Variants in FTCDNL1 observed in about 807,000 individuals in gnomAD.
FTCDNL1 encodes the protein formiminotransferase N-terminal subdomain-containing protein.
In FTCDNL1, 11 loss-of-function variants were observed where a neutral mutation model predicts 5.9. The observed-to-expected ratio is 1.87, with a 90% CI of 1.18 to 3.10. The LOEUF (loss-of-function observed/expected upper bound fraction) is 3.10, where lower values mean the gene tolerates loss of function less well. FTCDNL1 is among the 30% of genes most tolerant of loss of function. The pLI is 0.00. For missense variants in FTCDNL1, 115 were observed against 65.5 expected (o/e 1.76, Z -2.61); for synonymous variants, 58 against 24.8 (o/e 2.34, Z -3.99).
chr2:199,751,270 T>C, the FTCDNL1 span, among the ~76,000 whole-genome samples: 1 of 152,226 alleles, frequency 6.6e-6, no homozygotes, highest in African/African-American at 2.4e-5. Flanking sequence ...TGAGAGACCT[T>C]GTATGGATAT....
chr2:199,817,691 C>T (rs948302421), intron 4 of FTCDNL1, among the ~76,000 whole-genome samples: 9 of 150,020 alleles, frequency 6.0e-5, no homozygotes, highest in African/African-American at 2.2e-4. Context: ...TGCAGTGAGC[C>T]GAGATCGCAC....
intron 2 of FTCDNL1, 130 bp downstream of exon 2, chr2:199,848,718 C>G: frequency 1.7e-6 from 1 of 572,098 alleles, no homozygotes; most frequent in Non-Finnish European, 3.1e-6. Flanking sequence ...GCTGCAACAG[C>G]TCAAGAGCAA....
chr2:199,747,015 G>A, the FTCDNL1 span, among the ~76,000 whole-genome samples: 15 of 134,638 alleles, frequency 1.1e-4, no homozygotes, highest in Non-Finnish European at 1.9e-4. Context: ...CAGAGAAGAG[G>A]GTTTATTTAA....
At chr2:199,720,769 C>T in the FTCDNL1 span, among the ~76,000 whole-genome samples, 1 of 152,216 alleles carries the variant, frequency 6.6e-6, no homozygotes, top group East Asian at 1.9e-4. Context: ...AGGTCACATT[C>T]ACAGGTTCCA....
chr2:199,724,084 G>A, the FTCDNL1 span, among the ~76,000 whole-genome samples: 1 of 152,100 alleles, frequency 6.6e-6, no homozygotes, highest in Non-Finnish European at 1.5e-5. Flanking sequence ...TCTATTCAGG[G>A]ATTCAACTTC....
Position 199,851,092 on chromosome 2 carries a change from T to G in FTCDNL1, c.-360A>C, listed in dbSNP as rs908288056. The G allele has an allele frequency of 2.1e-5, 3 of 144,612 alleles. No homozygotes were observed. The highest frequency in any genetic ancestry group is 6.9e-5 in the Admixed American group (1 of 14,446). The allele number at this position is 144,612 out of a possible 1,614,324, so 9.0% of individuals were successfully genotyped here. On this transcript the variant is annotated 5_prime_UTR_variant, in exon 1 of 5. Transcript: ENST00000420128. The stretch of plus-strand genomic sequence containing the variant: ...CGGACCTGCGAGCGCCGAAGGGCGG[T>G]GGGGCAGGGCGACCGCCCAGCCCAA...
intron 3 of FTCDNL1, among the ~76,000 whole-genome samples, chr2:199,801,441 G>A (rs1198126689): frequency 6.6e-6 from 1 of 151,948 alleles, no homozygotes; most frequent in Non-Finnish European, 1.5e-5. Context: ...GAGCTCAGGA[G>A]TTGGAGACCA....
chr2:199,677,881 T>C, the FTCDNL1 span, among the ~76,000 whole-genome samples: 2 of 152,154 alleles, frequency 1.3e-5, no homozygotes, highest in African/African-American at 4.8e-5. Context: ...GACAGTACAA[T>C]GCTAATAGAT....
At chr2:199,698,971 G>A in the FTCDNL1 span, among the ~76,000 whole-genome samples, 180 of 152,102 alleles carry the variant, frequency 1.2e-3, 1 homozygote, top group African/African-American at 3.9e-4. Flanking sequence ...AAAAATCCTC[G>A]GAGACTATTA....
intron 3 of FTCDNL1, 42 bp downstream of exon 3, chr2:199,846,032 CA>C (rs766262650): frequency 2.4e-4 from 157 of 650,500 alleles, no homozygotes; most frequent in South Asian, 5.8e-4. Flanking sequence ...CTACCTGAAC[CA>C]AAAAAAAGAC....
Position 199,812,308 on chromosome 2 carries a change from T to C in FTCDNL1, c.*397A>G, listed in dbSNP as rs539561467. Among the ~76,000 whole-genome samples, 10 of 152,252 alleles carry C rather than the reference T, an allele frequency of 6.6e-5. No homozygotes were observed. Among genetic ancestry groups the C allele is most frequent in the Non-Finnish European group, 1.3e-4 (9 of 68,012 alleles). On this transcript the variant is annotated 3_prime_UTR_variant, in exon 5 of 5. Transcript: ENST00000420128. ...AGAAAATTTCTCTTTCTGCCCAAATTCACGCTTTTCCAATTTCCTCCATTT... is the reference window on the plus strand; with the variant it reads ...AGAAAATTTCTCTTTCTGCCCAAATCCACGCTTTTCCAATTTCCTCCATTT...
the FTCDNL1 span, among the ~76,000 whole-genome samples, chr2:199,708,961 C>T: frequency 6.6e-6 from 1 of 151,950 alleles, no homozygotes; most frequent in East Asian, 1.9e-4. Context: ...TTCTGTTTGC[C>T]AAAACTCAGA....
At chr2:199,850,141 A>G (rs539802104) in intron 1 of FTCDNL1, among the ~76,000 whole-genome samples, 95 of 152,328 alleles carry the variant, frequency 6.2e-4, no homozygotes, top group African/African-American at 2.1e-3. Flanking sequence ...TCAGGTTTGC[A>G]GGCAGGTTTT....
chr2:199,805,608 G>A (rs573260211), downstream of FTCDNL1, among the ~76,000 whole-genome samples: 86 of 152,088 alleles, frequency 5.7e-4, no homozygotes, highest in African/African-American at 1.9e-3. Flanking sequence ...GTGTGGCAGC[G>A]TGCGCCTGTA....
At chr2:199,704,543 A>T in the FTCDNL1 span, among the ~76,000 whole-genome samples, 1 of 152,178 alleles carries the variant, frequency 6.6e-6, no homozygotes, top group Non-Finnish European at 1.5e-5. Context: ...GAGTGAAATG[A>T]GAAGAGACTT....
the FTCDNL1 span, among the ~76,000 whole-genome samples, chr2:199,747,429 G>A: frequency 6.2e-4 from 95 of 152,208 alleles, no homozygotes; most frequent in African/African-American, 2.1e-3. Flanking sequence ...GCAAGGCCTC[G>A]AGCCTGTCTG....
intron 3 of FTCDNL1, among the ~76,000 whole-genome samples, chr2:199,765,820 G>A (rs750954163): frequency 6.2e-4 from 94 of 151,992 alleles, no homozygotes; most frequent in Admixed American, 1.1e-3. Context: ...TGGGATTACA[G>A]GTGTGAGCCA....
chr2:199,760,683 T>A (rs140010706), exon 4 of FTCDNL1: 46 of 631,004 alleles, frequency 7.3e-5, no homozygotes, highest in East Asian at 5.8e-4. Context: ...GGTATAATTT[T>A]CCATCTTTTT....
the FTCDNL1 span, among the ~76,000 whole-genome samples, chr2:199,704,928 T>A: frequency 6.6e-6 from 1 of 152,168 alleles, no homozygotes; most frequent in Non-Finnish European, 1.5e-5. Flanking sequence ...ATTCTGCAGA[T>A]GAAAATTTCT....
Sources: allele counts gnomAD v4.1 joint callset (sites outside exome capture counted in the v4.1 genomes callset), GRCh38; gene constraint gnomAD v4.1.1; transcripts MANE v1.5; gene names NCBI Gene and HGNC (gene_info 2026-07-23, HGNC 2026-07-21).